Variants in GBE1 observed in about 807,000 individuals in gnomAD.
GBE1 encodes the protein 1,4-alpha-glucan branching enzyme 1.
Under a neutral mutation model 88.8 loss-of-function variants are expected in GBE1, and 70 were observed. The ratio of observed to expected loss-of-function variants is 0.79; its 90% CI spans 0.65 to 0.96. The LOEUF is 0.96. GBE1 is among the 40% of genes least tolerant of loss of function. GBE1 has a pLI of 0.00. For synonymous variants in GBE1, 284 were observed against 300.1 expected (o/e 0.95, Z 0.56); for missense variants, 872 against 871.0 (o/e 1.00, Z -0.01).
chr3:81,723,633 C>T (rs901037862), intron 1 of GBE1, among the ~76,000 whole-genome samples: 5 of 152,088 alleles, frequency 3.3e-5, no homozygotes, highest in African/African-American at 1.2e-4. Flanking sequence ...TTCCTTCTTT[C>T]TTCTTACTTC....
At chr3:81,714,878 G>C (rs533468634) in intron 1 of GBE1, among the ~76,000 whole-genome samples, 1 of 152,136 alleles carries the variant, frequency 6.6e-6, no homozygotes, top group Non-Finnish European at 1.5e-5. Context: ...AGACAGGAAA[G>C]GGAGGAAACA....
At position 81,631,742 on chromosome 3, in the gene GBE1, T is replaced by A. The variant is rs560886495; in HGVS notation, c.992+11039A>T. On this transcript the variant is annotated intron_variant, in intron 7 of 15. Transcript: ENST00000429644. ...AGCCTGGCAACAGAGCAAGACTCTG[T>A]CTCAAAAAAAAAAAAAACATAAAAA... Among the ~76,000 whole-genome samples, 59 of 140,422 alleles carry A rather than the reference T, an allele frequency of 4.2e-4. No individual in the cohort carries two copies. The South Asian group carries it at 0.013, about 30-fold the overall frequency. 92.1% of individuals were successfully genotyped at this position (140,422 alleles called of 152,430 possible).
chr3:81,542,032 T>C (rs1043078891), intron 12 of GBE1, among the ~76,000 whole-genome samples: 2 of 152,088 alleles, frequency 1.3e-5, no homozygotes, highest in Non-Finnish European at 2.9e-5. Context: ...TTGATAAACA[T>C]TGTATTTATT....
chr3:81,683,022 T>C (rs1705374242), intron 2 of GBE1, among the ~76,000 whole-genome samples: 1 of 152,196 alleles, frequency 6.6e-6, no homozygotes, highest in South Asian at 2.1e-4. Context: ...ACCATTTATA[T>C]GAAATATTGA....
At chr3:81,736,033 C>CA (rs1706253474) in intron 1 of GBE1, among the ~76,000 whole-genome samples, 2 of 152,158 alleles carry the variant, frequency 1.3e-5, no homozygotes, top group South Asian at 2.1e-4. Flanking sequence ...AAAGCACTGC[C>CA]AAAAAAGCCC....
At chr3:81,579,708 T>C (rs1703695129) in intron 11 of GBE1, among the ~76,000 whole-genome samples, 1 of 151,702 alleles carries the variant, frequency 6.6e-6, no homozygotes, top group African/African-American at 2.4e-5. Context: ...CTTTTCTAGA[T>C]TGGGTTCTTC....
rs201958741 is a variant in GBE1 at position 81,577,999 on chromosome 3, C to T, written c.1544G>A (p.Arg515His). The T allele has an allele frequency of 2.5e-5, 40 of 1,608,922 alleles. No homozygotes were observed. The highest frequency in any genetic ancestry group is 3.0e-5 in the Non-Finnish European group (35 of 1,178,060). ...AATCATTTTATGAAGCTGTATTCCA[C>T]GATCAATAACTGGAGTAAAAGGAGT... Reference protein sequence around the residue: ...VLTPFTPVIDRGIQLHKMIRL... With the variant: ...VLTPFTPVIDHGIQLHKMIRL... The change falls in exon 12 of 16, where the codon CGT becomes CAT. Residue 515 changes from arginine (R) to histidine (H), a missense_variant. Transcript: ENST00000429644.
intron 1 of GBE1, 48 bp downstream of exon 1, chr3:81,761,327 G>A: frequency 6.4e-7 from 1 of 1,568,532 alleles, no homozygotes; most frequent in Non-Finnish European, 8.7e-7. Flanking sequence ...ACGGCTCCTG[G>A]GAGGCGGGCT....
chr3:81,581,481 G>A (rs568370378), intron 10 of GBE1, among the ~76,000 whole-genome samples: 1 of 151,876 alleles, frequency 6.6e-6, no homozygotes, highest in South Asian at 2.1e-4. Context: ...GGTGTAGAGT[G>A]TGTTTGTGTG....
intron 1 of GBE1, among the ~76,000 whole-genome samples, chr3:81,721,206 AAT>A (rs1160645148): frequency 0.012 from 1,036 of 86,674 alleles, 38 homozygotes; most frequent in African/African-American, 0.062. Flanking sequence ...TATAATAAAA[AAT>A]AAATAAATAA....
At chr3:81,590,477 C>T (rs553934747) in intron 9 of GBE1, among the ~76,000 whole-genome samples, 13 of 152,074 alleles carry the variant, frequency 8.5e-5, no homozygotes, top group South Asian at 6.2e-4. Context: ...GGGGAATTGT[C>T]AATTATGCAT....
At chr3:81,736,090 T>C (rs576649223) in intron 1 of GBE1, among the ~76,000 whole-genome samples, 17 of 152,084 alleles carry the variant, frequency 1.1e-4, no homozygotes, top group Non-Finnish European at 2.4e-4. Flanking sequence ...CAATTCTAGC[T>C]CAATGGCAGC....
chr3:81,526,417 G>C (rs1269257382), intron 14 of GBE1, among the ~76,000 whole-genome samples: 1 of 152,078 alleles, frequency 6.6e-6, no homozygotes, highest in South Asian at 2.1e-4. Flanking sequence ...ATTAGGAAAA[G>C]AGGAAGTCAA....
intron 1 of GBE1, among the ~76,000 whole-genome samples, chr3:81,742,216 C>A (rs972343541): frequency 1.3e-5 from 2 of 151,948 alleles, no homozygotes; most frequent in African/African-American, 4.8e-5. Context: ...AGGAAGATAA[C>A]CTGTTTCATT....
intron 12 of GBE1, among the ~76,000 whole-genome samples, chr3:81,569,578 C>A (rs1247363859): frequency 6.6e-6 from 1 of 152,142 alleles, no homozygotes; most frequent in Non-Finnish European, 1.5e-5. Flanking sequence ...ATGACCTCAG[C>A]AGGCTTCCAA....
intron 14 of GBE1, among the ~76,000 whole-genome samples, chr3:81,513,329 T>C (rs1195172507): frequency 6.6e-6 from 1 of 151,216 alleles, no homozygotes. Context: ...GAGGAAGAGA[T>C]TTAACAGGGA....
At chr3:81,578,327 T>C (rs1411116548) in intron 11 of GBE1, among the ~76,000 whole-genome samples, 2 of 152,070 alleles carry the variant, frequency 1.3e-5, no homozygotes, top group Admixed American at 6.6e-5. Flanking sequence ...ATTTTTATTT[T>C]TAAAATAGGT....
Position 81,545,484 on chromosome 3 carries a change from C to T in GBE1, c.1619-8389G>A, listed in dbSNP as rs952790074. On this transcript the variant is annotated intron_variant, in intron 12 of 15. Coordinates refer to ENST00000429644, the MANE Select transcript of GBE1 (RefSeq NM_000158.4). ...ATCCAGAAGATGAGAGAAAGGATGA[C>T]ATGCTAGATGAGGCCAACAAAACAG... Among the ~76,000 whole-genome samples, 10 of 152,096 alleles carry T rather than the reference C, an allele frequency of 6.6e-5. No homozygotes were observed. The South Asian group carries it at 2.1e-3, about 32-fold the overall frequency.
intron 7 of GBE1, among the ~76,000 whole-genome samples, chr3:81,642,363 G>A (rs1480494627): frequency 6.6e-6 from 1 of 151,902 alleles, no homozygotes; most frequent in East Asian, 1.9e-4. Context: ...AATTAATTTA[G>A]CTGTAATCAA....
Sources: allele counts gnomAD v4.1 joint callset (sites outside exome capture counted in the v4.1 genomes callset), GRCh38; gene constraint gnomAD v4.1.1; transcripts MANE v1.5; gene names NCBI Gene and HGNC (gene_info 2026-07-23, HGNC 2026-07-21).